PTGER3: variants seen among roughly 807,000 people sequenced by gnomAD.
PTGER3 encodes the protein prostaglandin E receptor 3.
A neutral mutation model predicts 34.7 loss-of-function variants in PTGER3; 22 were observed. The ratio of observed to expected loss-of-function variants is 0.63; its 90% CI spans 0.45 to 0.91. The LOEUF (loss-of-function observed/expected upper bound fraction) is 0.91, where lower values mean the gene tolerates loss of function less well. Ranked by LOEUF, PTGER3 falls within the 40% of genes least tolerant of loss-of-function variation. The pLI is 0.00. For synonymous variants in PTGER3, 241 were observed against 230.1 expected (o/e 1.05, Z -0.43); for missense variants, 468 against 519.4 (o/e 0.90, Z 0.96).
In PTGER3 at chr1:71,020,663, A is replaced by T. The variant is rs150069185; in HGVS notation, c.898-8179T>A. On this transcript the variant is annotated intron_variant, in intron 1 of 3. Transcript: ENST00000306666. ...AGAAGACAGTGTATGAGAACAAGGG[A>T]CTAGATTCATGAAGCTTTGGTGTAT... is the stretch of plus-strand genomic sequence containing the variant. Among the ~76,000 whole-genome samples the T allele has an allele frequency of 2.1e-3, 320 of 151,290 alleles. 4 individuals carry two copies. The highest frequency in any genetic ancestry group is 7.4e-3 in the African/African-American group (306 of 41,260).
At chr1:71,030,205 A>G (rs1020334014) in intron 1 of PTGER3, among the ~76,000 whole-genome samples, 3 of 152,110 alleles carry the variant, frequency 2.0e-5, no homozygotes, top group African/African-American at 7.2e-5. Context: ...AAACTAAGGA[A>G]TCTGAAGCCT....
At chr1:70,871,110 G>A (rs1646153061) in intron 4 of PTGER3, among the ~76,000 whole-genome samples, 1 of 152,138 alleles carries the variant, frequency 6.6e-6, no homozygotes, top group African/African-American at 2.4e-5. Flanking sequence ...TTTAAAAAAA[G>A]GTTCAGTTGG....
intron 1 of PTGER3, among the ~76,000 whole-genome samples, chr1:71,033,602 G>A (rs1031766291): frequency 1.3e-5 from 2 of 152,166 alleles, no homozygotes; most frequent in Admixed American, 6.5e-5. Flanking sequence ...ACATTGTATG[G>A]ACTCAATAAA....
intron 4 of PTGER3, among the ~76,000 whole-genome samples, chr1:70,933,940 T>C (rs1187719069): frequency 1.3e-5 from 2 of 152,144 alleles, no homozygotes; most frequent in East Asian, 1.9e-4. Context: ...TGGAAATTAA[T>C]TGAAAAGTTG....
intron 4 of PTGER3, among the ~76,000 whole-genome samples, chr1:70,925,177 G>A (rs1336334818): frequency 6.6e-6 from 1 of 152,032 alleles, no homozygotes; most frequent in Non-Finnish European, 1.5e-5. Context: ...GCTAATTTTT[G>A]TATTTTTAGT....
At chr1:70,854,698 A>G (rs1332176081) in intron 4 of PTGER3, among the ~76,000 whole-genome samples, 2 of 152,072 alleles carry the variant, frequency 1.3e-5, no homozygotes, top group Admixed American at 6.5e-5. Flanking sequence ...CCTCCAAAAC[A>G]TGCTTCTGTA....
chr1:70,999,017 C>CA (rs1333730565), intron 2 of PTGER3, among the ~76,000 whole-genome samples: 16 of 151,890 alleles, frequency 1.1e-4, no homozygotes, highest in Non-Finnish European at 1.0e-4. Context: ...CCTTCTCTAC[C>CA]AAAAAACAAA....
chr1:71,028,429 G>A (rs1038153310), intron 1 of PTGER3, among the ~76,000 whole-genome samples: 1 of 152,168 alleles, frequency 6.6e-6, no homozygotes, highest in African/African-American at 2.4e-5. Flanking sequence ...AACTCTGAAG[G>A]CTGCCCTAAT....
At chr1:71,006,586 A>G in intron 2 of PTGER3, 4 of 980,030 alleles carry the variant, frequency 4.1e-6, no homozygotes, top group Non-Finnish European at 4.8e-6. Flanking sequence ...TAAGAACAAT[A>G]ATCTTGAGAT....
At chr1:70,884,710 G>A (rs1646460795) in intron 4 of PTGER3, among the ~76,000 whole-genome samples, 2 of 152,166 alleles carry the variant, frequency 1.3e-5, no homozygotes. Flanking sequence ...TTGTTAGGAA[G>A]CAATAGAAAA....
chr1:70,865,624 A>C (rs1389080486), intron 4 of PTGER3: 2 of 1,321,818 alleles, frequency 1.5e-6, no homozygotes, highest in African/African-American at 3.0e-5. Flanking sequence ...AGCATGTTTC[A>C]TTAGAGATAG....
downstream of PTGER3, among the ~76,000 whole-genome samples, chr1:70,947,765 G>C (rs1489233053): frequency 6.6e-6 from 1 of 152,054 alleles, no homozygotes; most frequent in Admixed American, 6.6e-5. Flanking sequence ...TCATTGTTGA[G>C]TACTGGTGAC....
chr1:70,878,190 T>G (rs796840562), intron 4 of PTGER3, among the ~76,000 whole-genome samples: 41 of 152,276 alleles, frequency 2.7e-4, no homozygotes, highest in African/African-American at 9.6e-4. Context: ...TCTTCCTAGT[T>G]CAATCTTGGG....
At chr1:70,929,673 T>G (rs1648506320) in intron 4 of PTGER3, among the ~76,000 whole-genome samples, 1 of 152,214 alleles carries the variant, frequency 6.6e-6, no homozygotes, top group African/African-American at 2.4e-5. Context: ...CTTATCTCTG[T>G]TACCCTTTAA....
chr1:70,902,534 G>T (rs1400863452), intron 4 of PTGER3, among the ~76,000 whole-genome samples: 1 of 152,220 alleles, frequency 6.6e-6, no homozygotes, highest in Non-Finnish European at 1.5e-5. Context: ...ATAAGTGCTG[G>T]AATCAAGACA....
intron 2 of PTGER3, among the ~76,000 whole-genome samples, chr1:70,991,326 G>A (rs945093477): frequency 5.3e-5 from 8 of 152,082 alleles, no homozygotes; most frequent in African/African-American, 1.9e-4. Context: ...CACTATCCCC[G>A]AGGCTGACTG....
At chr1:71,025,064 C>G (rs1306111569) in intron 1 of PTGER3, among the ~76,000 whole-genome samples, 1 of 125,240 alleles carries the variant, frequency 8.0e-6, no homozygotes, top group Admixed American at 8.5e-5. Flanking sequence ...CCCCCTCCCC[C>G]ACCCCACAAT....
downstream of PTGER3, among the ~76,000 whole-genome samples, chr1:70,952,037 G>C (rs1650809536): frequency 6.6e-6 from 1 of 152,090 alleles, no homozygotes; most frequent in African/African-American, 2.4e-5. Context: ...AAAGAACCTG[G>C]GGCAGGAAAG....
chr1:71,030,973 C>T (rs1659360916), intron 1 of PTGER3, among the ~76,000 whole-genome samples: 1 of 151,932 alleles, frequency 6.6e-6, no homozygotes, highest in Non-Finnish European at 1.5e-5. Flanking sequence ...AGCCTAAGAT[C>T]TACTAATTAC....
Sources: allele counts gnomAD v4.1 joint callset (sites outside exome capture counted in the v4.1 genomes callset), GRCh38; gene constraint gnomAD v4.1.1; transcripts MANE v1.5; gene names NCBI Gene and HGNC (gene_info 2026-07-23, HGNC 2026-07-21).